Variants in TIPARP observed in about 807,000 individuals in gnomAD.
TIPARP encodes TCDD inducible poly(ADP-ribose) polymerase.
Under a neutral mutation model 56.5 loss-of-function variants are expected in TIPARP, and 12 were observed. The ratio of observed to expected loss-of-function variants is 0.21; its 90% confidence interval spans 0.14 to 0.34. The LOEUF (loss-of-function observed/expected upper bound fraction) is 0.34. TIPARP is among the 10% of genes least tolerant of loss of function. TIPARP has a pLI of 1.00. For missense variants in TIPARP, 604 were observed against 781.6 expected, an observed-to-expected ratio of 0.77 and a Z score of 2.71; for synonymous variants, 296 against 265.7, an observed-to-expected ratio of 1.11 and a Z score of -1.11.
At chr3:156,681,206 C>G (rs1722295283) in intron 2 of TIPARP, 1 of 456,618 alleles carries the variant, frequency 2.2e-6, no homozygotes. Context: ...ATGGTTACCA[C>G]ATTATTTGGC....
chr3:156,683,980 AACCTT>A (rs1159039861), intron 2 of TIPARP, among the ~76,000 whole-genome samples: 1 of 152,226 alleles, frequency 6.6e-6, no homozygotes, highest in African/African-American at 2.4e-5. Flanking sequence ...AAGTCCTCTT[AACCTT>A]AGCCAACAAC....
In TIPARP at chr3:156,705,494, A is replaced by AT. The variant is rs1264011092; in HGVS notation, c.*364dup. On this transcript the variant is annotated 3_prime_UTR_variant, in exon 6 of 6. Transcript: ENST00000295924. The stretch of plus-strand genomic sequence containing the variant: ...CCTGGTAGAAGTTTGACCAAATGGA[A>AT]TGGAGGCTGTGAGCAATGTGAGGAT... 1 of 169,082 alleles carries AT rather than the reference A, an allele frequency of 5.9e-6. No homozygotes were observed. Among genetic ancestry groups the AT allele is most frequent in the African/African-American group, 2.4e-5 (1 of 41,698 alleles). 10.5% of individuals were successfully genotyped at this position (169,082 alleles called of 1,614,324 possible).
In TIPARP at chr3:156,678,376, G is replaced by T; in HGVS notation, c.679G>T (p.Val227Leu). The change falls in exon 2 of 6, where the codon GTG (valine) becomes TTG (leucine). Residue 227 changes from valine (V) to leucine (L), a missense_variant. Physicochemically the swap from Val to Leu is conservative, Grantham distance 32 (BLOSUM62 1). Transcript: ENST00000295924. ...TTCCCTTGACCTCGTGTTTGAGCTG[G>T]TGAACCAGTTGCAGTACCACACTCA... ...EASLDLVFEL[V>L]NQLQYHTHQE... is the part of the protein sequence containing the mutation. The T allele has an allele frequency of 6.2e-7, 1 of 1,614,224 alleles. No individual in the cohort carries two copies. The highest frequency in any genetic ancestry group is 1.6e-4 in the Middle Eastern group (1 of 6,062).
chr3:156,701,644 C>G (rs909061132), intron 4 of TIPARP, among the ~76,000 whole-genome samples: 10 of 152,184 alleles, frequency 6.6e-5, no homozygotes, highest in African/African-American at 2.4e-4. Flanking sequence ...AGTCAGACCT[C>G]TCTTCAGGAA....
intron 2 of TIPARP, among the ~76,000 whole-genome samples, chr3:156,692,375 T>A (rs139516785): frequency 0.01 from 1,583 of 152,250 alleles, 17 homozygotes; most frequent in African/African-American, 0.036. Context: ...TTTGTTTCAC[T>A]TTTTAGGATT....
Position 156,706,684 on chromosome 3 carries a change from T to TC in TIPARP, c.*1554dup, listed in dbSNP as rs1451962434. ...GTTTTATGAGACTTGTTCCTTTTTT[T>TC]CTCCCTAAGGAAAAAGAAAGCTTTA... On this transcript the variant is annotated 3_prime_UTR_variant, in exon 6 of 6. Coordinates refer to ENST00000295924, the MANE Select transcript of TIPARP (RefSeq NM_015508.5). 1 of 152,342 alleles carries TC rather than the reference T, an allele frequency of 6.6e-6. No individual in the cohort carries two copies. Among genetic ancestry groups the TC allele is most frequent in the Non-Finnish European group, 1.5e-5 (1 of 67,904 alleles). 9.4% of individuals were successfully genotyped at this position (152,342 alleles called of 1,614,324 possible). A position where few individuals can be genotyped will look rare whatever the true frequency, so the allele number is the denominator to read the frequency against.
chr3:156,690,896 C>T (rs1212696886), intron 2 of TIPARP, among the ~76,000 whole-genome samples: 4 of 152,156 alleles, frequency 2.6e-5, no homozygotes, highest in Non-Finnish European at 5.9e-5. Flanking sequence ...CTCTCTTGCT[C>T]AGTTTCCAAC....
At position 156,705,268 on chromosome 3, in the gene TIPARP, G is replaced by T. The variant is rs1722953050; in HGVS notation, c.*137G>T. 3 of 601,652 alleles carry T rather than the reference G, an allele frequency of 5.0e-6. No individual in the cohort carries two copies. Among genetic ancestry groups the T allele is most frequent in the Admixed American group, 6.4e-5 (2 of 31,444 alleles). 37.3% of individuals were successfully genotyped at this position (601,652 alleles called of 1,614,324 possible). A position where few individuals can be genotyped will look rare whatever the true frequency, so the allele number is the denominator to read the frequency against. ...TTCAGACCCATTTTTTAAAGTGCTA[G>T]AAAATGCTTTTTTTAAAAAAAAAAT... On this transcript the variant is annotated 3_prime_UTR_variant, in exon 6 of 6. Transcript: ENST00000295924.
intron 2 of TIPARP, among the ~76,000 whole-genome samples, chr3:156,684,009 C>T (rs1722367372): frequency 6.6e-6 from 1 of 152,204 alleles, no homozygotes; most frequent in African/African-American, 2.4e-5. Context: ...TAATAATTAT[C>T]AGTCTCCAAT....
chr3:156,704,654 T>G (rs1369532526), intron 5 of TIPARP, 30 bp from the exon 6 acceptor site: 5 of 1,588,622 alleles, frequency 3.1e-6, no homozygotes, highest in Middle Eastern at 3.4e-4. Context: ...ATTTCATCCT[T>G]CTGAATTCTC....
At chr3:156,693,066 A>G (rs563911103) in intron 2 of TIPARP, among the ~76,000 whole-genome samples, 3 of 152,166 alleles carry the variant, frequency 2.0e-5, no homozygotes, top group Non-Finnish European at 4.4e-5. Flanking sequence ...GTAGACATCC[A>G]TTTAGAAATC....
chr3:156,694,651 C>T (rs1409011025), intron 3 of TIPARP, among the ~76,000 whole-genome samples: 1 of 152,192 alleles, frequency 6.6e-6, no homozygotes, highest in African/African-American at 2.4e-5. Context: ...GAGCTGTGGT[C>T]AGGGAAATCA....
chr3:156,700,787 A>G (rs1178834670), intron 4 of TIPARP, among the ~76,000 whole-genome samples: 2 of 152,246 alleles, frequency 1.3e-5, no homozygotes, highest in African/African-American at 4.8e-5. Flanking sequence ...TTTAGTAAAC[A>G]TCTTTCAAAA....
chr3:156,684,802 C>G (rs1194744260), intron 2 of TIPARP, among the ~76,000 whole-genome samples: 1 of 152,152 alleles, frequency 6.6e-6, no homozygotes, highest in Non-Finnish European at 1.5e-5. Flanking sequence ...TATGACAGTG[C>G]TTTCTAGGGA....
Position 156,703,483 on chromosome 3 carries a change from A to C in TIPARP, c.1307A>C (p.Gln436Pro). 1 of 1,614,212 alleles carries C rather than the reference A, an allele frequency of 6.2e-7. No individual in the cohort carries two copies. Among genetic ancestry groups the C allele is most frequent in the Non-Finnish European group, 8.5e-7 (1 of 1,180,034 alleles). The change falls in exon 5 of 6, where the codon CAA becomes CCA. Residue 436 changes from glutamine (Q) to proline (P), a missense_variant. Physicochemically the swap from Gln to Pro is moderately conservative, Grantham distance 76. Coordinates refer to ENST00000295924, the MANE Select transcript of TIPARP (RefSeq NM_015508.5). ...PPPLEATSSS[Q>P]IICPDGVTSA... is the part of the protein sequence containing the mutation. ...CCTCTTGAAGCAACTTCATCATCACAAATTATCTGCCCAGATGGGGTCACT... is the reference window on the plus strand; with the variant it reads ...CCTCTTGAAGCAACTTCATCATCACCAATTATCTGCCCAGATGGGGTCACT...
At chr3:156,695,625 C>T (rs933471243) in intron 3 of TIPARP, among the ~76,000 whole-genome samples, 23 of 151,984 alleles carry the variant, frequency 1.5e-4, no homozygotes, top group African/African-American at 5.1e-4. Context: ...AAAATAGTTC[C>T]CTGGGCCCCA....
rs747102891 is a variant in TIPARP, at chr3:156,703,641, A to C, written c.1465A>C (p.Lys489Gln). The change falls in exon 5 of 6, where the codon AAA (lysine) becomes CAA (glutamine). Residue 489 changes from lysine (K) to glutamine (Q), a missense_variant. Transcript: ENST00000295924. ...NLFHKTVPEF[K>Q]YRILQILRVQ... Reference sequence around the variant, plus strand: ...TTTTCATAAGACTGTGCCTGAGTTTAAATACAGAATTTTGCAGATATTGAG... The same window carrying C: ...TTTTCATAAGACTGTGCCTGAGTTTCAATACAGAATTTTGCAGATATTGAG... The C allele has an allele frequency of 6.2e-7, 1 of 1,614,158 alleles. No homozygotes were observed. Among genetic ancestry groups the C allele is most frequent in the South Asian group, 1.1e-5 (1 of 91,084 alleles).
At chr3:156,703,389 T>C (rs1450239408) in intron 4 of TIPARP, 35 bp from the exon 5 acceptor site, 3 of 1,602,712 alleles carry the variant, frequency 1.9e-6, no homozygotes, top group Admixed American at 1.7e-5. Context: ...TATTTCTTAA[T>C]GTTTTACATT....
chr3:156,677,207 T>G (rs950347903), intron 1 of TIPARP, among the ~76,000 whole-genome samples: 5 of 152,192 alleles, frequency 3.3e-5, no homozygotes, highest in African/African-American at 1.2e-4. Flanking sequence ...TGATGAACTT[T>G]TAAAGAAACT....
Sources: gnomAD v4.1 joint callset for allele counts (sites outside exome capture counted in the v4.1 genomes callset) on GRCh38, gnomAD v4.1.1 for gene constraint, MANE v1.5 for transcripts, NCBI Gene and HGNC (gene_info 2026-07-23, HGNC 2026-07-21) for gene names.